Variants in LGALS8 observed in about 807,000 individuals in gnomAD.
LGALS8 encodes galectin 8, also known as galectin-8.
In LGALS8, 30 loss-of-function variants were observed where a neutral mutation model predicts 35.9. That is an observed-to-expected ratio of 0.83 (90% CI 0.62 to 1.13). The LOEUF (loss-of-function observed/expected upper bound fraction) is 1.13. Among genes scored for constraint, LGALS8 ranks in the 50% most tolerant of loss-of-function variants. The pLI is 0.00. For missense variants in LGALS8, 366 were observed against 388.7 expected, an observed-to-expected ratio of 0.94 and a Z score of 0.49; for synonymous variants, 138 against 136.1, an observed-to-expected ratio of 1.01 and a Z score of -0.10.
Position 236,551,026 on chromosome 1 carries a change from GAGTC to G in LGALS8, c.*2870_*2873del. The G allele has an allele frequency of 2.0e-6, 3 of 1,484,350 alleles. No homozygotes were observed. Among genetic ancestry groups the G allele is most frequent in the South Asian group, 1.2e-5 (1 of 81,516 alleles). The allele number at this position is 1,484,350 out of a possible 1,614,324, so 91.9% of individuals were successfully genotyped here. Reference sequence around the variant, plus strand: ...AAAAAAAAAATCAAAATTAAAATCTGAGTCAGTCCGCCTGCCTCGGTTCTCATTA... The same window carrying G: ...AAAAAAAAAATCAAAATTAAAATCTGAGTCCGCCTGCCTCGGTTCTCATTA... On this transcript the variant is annotated 3_prime_UTR_variant, in exon 10 of 10. Coordinates refer to ENST00000366584, the MANE Select transcript of LGALS8 (RefSeq NM_201544.4).
chr1:236,525,090 CT>C (rs1660740735), intron 1 of LGALS8, among the ~76,000 whole-genome samples: 1 of 152,166 alleles, frequency 6.6e-6, no homozygotes, highest in South Asian at 2.1e-4. Flanking sequence ...GTGGCTGATG[CT>C]TTCCAACACT....
chr1:236,549,258 C>G lies in LGALS8; in HGVS notation c.*1097C>G, dbSNP rs2103115577. On this transcript the variant is annotated 3_prime_UTR_variant, in exon 10 of 10. Transcript: ENST00000366584. ...TACGTGATTAAAATCAAACCTGTAT[C>G]AGCAAGTTAAATGGTTCCATTTCTG... 1 of 333,458 alleles carries G rather than the reference C, an allele frequency of 3.0e-6. No homozygotes were observed. Among genetic ancestry groups the G allele is most frequent in the East Asian group, 4.4e-5 (1 of 22,484 alleles). The allele number at this position is 333,458 out of a possible 1,614,324, so 20.7% of individuals were successfully genotyped here.
intron 2 of LGALS8, among the ~76,000 whole-genome samples, chr1:236,527,848 G>A (rs1263856077): frequency 1.3e-5 from 2 of 151,872 alleles, no homozygotes; most frequent in African/African-American, 4.8e-5. Flanking sequence ...CAATTCTAGT[G>A]CCTCAGCCTC....
chr1:236,546,240 T>C (rs1358090726), intron 9 of LGALS8, among the ~76,000 whole-genome samples: 3 of 152,184 alleles, frequency 2.0e-5, no homozygotes, highest in Non-Finnish European at 2.9e-5. Context: ...AATAGATGAA[T>C]GTTATATGCT....
intron 9 of LGALS8, 43 bp downstream of exon 9, chr1:236,544,958 T>G: frequency 6.7e-7 from 1 of 1,493,594 alleles, no homozygotes; most frequent in Non-Finnish European, 9.2e-7. Flanking sequence ...ATAAGAATCC[T>G]GGGAGCAGGG....
rs1001988673 is a variant in LGALS8, at chr1:236,550,591, C to T, written c.*2430C>T. ...GCAAATGAGGCGTCAGCTTTGGGTG[C>T]TAAAATTAACAAGTCTAATATTATT... On this transcript the variant is annotated 3_prime_UTR_variant, in exon 10 of 10. Transcript: ENST00000366584. 2.6e-5 allele frequency: 7 copies of T among 267,932 alleles called. No homozygotes were observed. Among genetic ancestry groups the T allele is most frequent in the African/African-American group, 1.6e-4 (7 of 45,070 alleles). The allele number at this position is 267,932 out of a possible 1,614,324, so 16.6% of individuals were successfully genotyped here. A position where few individuals can be genotyped will look rare whatever the true frequency, so the allele number is the denominator to read the frequency against.
At chr1:236,538,326 G>T (rs1211582103) in intron 3 of LGALS8, among the ~76,000 whole-genome samples, 2 of 152,122 alleles carry the variant, frequency 1.3e-5, no homozygotes, top group Non-Finnish European at 2.9e-5. Context: ...AAGTCTCAAG[G>T]AGACAGCCCA....
In LGALS8 at chr1:236,537,622, GCTGT is replaced by G. The variant is rs750500661; in HGVS notation, c.134+40_134+43del. On this transcript the variant is annotated intron_variant, in intron 3 of 9. Transcript: ENST00000366584. ...GTGCTAAAGGAAGGAGCATGAATAG[GCTGT>G]CTTTTTGTGATTGTGGAATGATAAC... 16 of 1,404,618 alleles carry G rather than the reference GCTGT, an allele frequency of 1.1e-5. No individual in the cohort carries two copies. The East Asian group carries it at 2.0e-4, about 18-fold the overall frequency. The allele number at this position is 1,404,618 out of a possible 1,614,324, so 87.0% of individuals were successfully genotyped here.
upstream of LGALS8, chr1:236,523,887 G>A: frequency 2.9e-6 from 1 of 348,244 alleles, no homozygotes. Flanking sequence ...AGAAGGCGGG[G>A]CGCGGGGAGG....
chr1:236,520,738 G>A (rs1344810809), upstream of LGALS8, among the ~76,000 whole-genome samples: 1 of 152,120 alleles, frequency 6.6e-6, no homozygotes. Context: ...AGGGCTGTCC[G>A]AGGTGATTTT....
chr1:236,543,601 T>C lies in LGALS8; in HGVS notation c.591T>C (p.Pro197=), dbSNP rs377273308. The change falls in exon 8 of 10, where the codon CCT becomes CCC. Residue 197 remains proline (P), a synonymous_variant. Transcript: ENST00000366584. ...CAAGGTTGAACACCCCCATGGGCCC[T>C]GGACGAACTGTCGTCGTTAAAGGAG... is the stretch of plus-strand genomic sequence containing the variant. ...FAARLNTPMG[P]GRTVVVKGEV... The C allele has an allele frequency of 2.5e-6, 4 of 1,613,944 alleles. No homozygotes were observed. Among genetic ancestry groups the C allele is most frequent in the African/African-American group, 1.3e-5 (1 of 74,922 alleles).
rs1662491807 is a variant in LGALS8, at chr1:236,547,914, GT to G, written c.805-97del. On this transcript the variant is annotated intron_variant, in intron 9 of 9. Transcript: ENST00000366584. ...CAGCAGCAGGCTGGAACTTTTCTAT[GT>G]ATAATCAAATGGTTTACTCTGACAC... 2.8e-6 allele frequency: 3 copies of G among 1,066,298 alleles called. No individual in the cohort carries two copies. In the African/African-American group the frequency reaches 4.7e-5, roughly 17 times the overall value. 66.1% of individuals were successfully genotyped at this position (1,066,298 alleles called of 1,614,324 possible). A position where few individuals can be genotyped will look rare whatever the true frequency, so the allele number is the denominator to read the frequency against.
chr1:236,519,947 A>ATTTTTTTTTTTTTTTTTTTTTTT (rs1558150890), upstream of LGALS8, among the ~76,000 whole-genome samples: 1 of 137,986 alleles, frequency 7.2e-6, no homozygotes. Flanking sequence ...TGTTTTGTAC[A>ATTTTTTTTTTTTTTTTTTTTTTT]ATTTTTTTTT....
chr1:236,549,406 G>A lies in LGALS8; in HGVS notation c.*1245G>A, dbSNP rs940726960. Reference sequence around the variant, plus strand: ...GTGGGGAGGGAAAAAAGCTCAGTCAGTGAGGATCATTTTATCACATTAGAC... The same window carrying A: ...GTGGGGAGGGAAAAAAGCTCAGTCAATGAGGATCATTTTATCACATTAGAC... On this transcript the variant is annotated 3_prime_UTR_variant, in exon 10 of 10. Transcript: ENST00000366584. 6.2e-6 allele frequency: 1 copy of A among 160,566 alleles called. No homozygotes were observed. Among genetic ancestry groups the A allele is most frequent in the Admixed American group, 6.4e-5 (1 of 15,506 alleles). 9.9% of individuals were successfully genotyped at this position (160,566 alleles called of 1,614,324 possible). A position where few individuals can be genotyped will look rare whatever the true frequency, so the allele number is the denominator to read the frequency against.
upstream of LGALS8, chr1:236,523,020 T>C (rs925789173): frequency 1.3e-5 from 2 of 152,192 alleles, no homozygotes; most frequent in Non-Finnish European, 2.9e-5. Flanking sequence ...GTAGAGAAGA[T>C]GAGAACTTTG....
chr1:236,535,084 AGT>A (rs1293933013), intron 2 of LGALS8, among the ~76,000 whole-genome samples: 52 of 143,020 alleles, frequency 3.6e-4, no homozygotes, highest in African/African-American at 1.2e-3. Context: ...AAAAAAAAAA[AGT>A]GATGGGAATA....
In LGALS8 at chr1:236,537,509, G is replaced by T; in HGVS notation, c.58G>T (p.Val20Phe). 1.3e-6 allele frequency: 2 copies of T among 1,596,102 alleles called. No homozygotes were observed. The highest frequency in any genetic ancestry group is 2.2e-5 in the East Asian group (1 of 44,830). Residue 20 changes from valine (V) to phenylalanine (F), a missense_variant, in exon 3 of 10, where the codon GTT (valine) becomes TTT (phenylalanine). Physicochemically the swap from Val to Phe is conservative, Grantham distance 50. Transcript: ENST00000366584. ...NIIYNPVIPF[V>F]GTIPDQLDPG... The stretch of plus-strand genomic sequence containing the variant: ...TTTTTTTTCTTAGGTAATCCCGTTT[G>T]TTGGCACCATTCCTGATCAGCTGGA...
upstream of LGALS8, among the ~76,000 whole-genome samples, chr1:236,519,948 ATTTTTTTTTTTTTTTT>A (rs35589317): frequency 9.1e-6 from 1 of 109,442 alleles, no homozygotes; most frequent in Non-Finnish European, 1.8e-5. Context: ...GTTTTGTACA[ATTTTTTTTTTTTTTTT>A]TTTTTTTTTT....
At chr1:236,541,767 TG>T in intron 6 of LGALS8, 57 bp downstream of exon 6, 1 of 893,630 alleles carries the variant, frequency 1.1e-6, no homozygotes, top group Non-Finnish European at 1.7e-6. Flanking sequence ...TTAGCTGCCA[TG>T]TTAATGAAAT....
Sources: gnomAD v4.1 joint callset for allele counts (sites outside exome capture counted in the v4.1 genomes callset) on GRCh38, gnomAD v4.1.1 for gene constraint, MANE v1.5 for transcripts, NCBI Gene and HGNC (gene_info 2026-07-23, HGNC 2026-07-21) for gene names.